The following ZNF710 variants were observed in gnomAD, a reference collection of about 807,000 sequenced individuals.
ZNF710 encodes zinc finger protein 710.
Under a neutral mutation model 50.6 loss-of-function variants are expected in ZNF710, and 13 were observed. The observed-to-expected ratio is 0.26, with a 90% CI of 0.17 to 0.41. ZNF710 has a LOEUF of 0.41. Ranked by LOEUF, ZNF710 falls within the 10% of genes least tolerant of loss-of-function variation. The pLI, the probability that ZNF710 is intolerant of heterozygous loss-of-function variation, is 1.00. For synonymous variants in ZNF710, 383 were observed against 397.0 expected, an observed-to-expected ratio of 0.96 and a Z score of 0.42; for missense variants, 721 against 936.6, an observed-to-expected ratio of 0.77 and a Z score of 3.01.
At chr15:90,003,126 G>A (rs1393394839) in intron 1 of ZNF710, among the ~76,000 whole-genome samples, 1 of 152,068 alleles carries the variant, frequency 6.6e-6, no homozygotes. Flanking sequence ...CGCCCGCCCC[G>A]GCCTCCCAAA....
In ZNF710 at chr15:90,081,048, C is replaced by G. The variant is rs2352053; in HGVS notation, c.*1219C>G. 0.11 allele frequency: 17,382 copies of G among 152,270 alleles called. 1,085 individuals are homozygous for G. The highest frequency in any genetic ancestry group is 0.15 in the African/African-American group (6,248 of 41,530). The allele number at this position is 152,270 out of a possible 1,614,324, so 9.4% of individuals were successfully genotyped here. A position where few individuals can be genotyped will look rare whatever the true frequency, so the allele number is the denominator to read the frequency against. ...TGTCACCCTGGCCCTGGAGGTGCAG[C>G]CGCTGGCAGCAGCCTCAGCAGGCTG... On this transcript the variant is annotated 3_prime_UTR_variant, in exon 5 of 5. Transcript: ENST00000268154.
At chr15:90,074,983 T>A (rs762976093) in intron 4 of ZNF710, 30 of 169,322 alleles carry the variant, frequency 1.8e-4, no homozygotes, top group Non-Finnish European at 3.5e-4. Flanking sequence ...CTGGGAGAAA[T>A]TTTAGGAGAG....
intron 1 of ZNF710, among the ~76,000 whole-genome samples, chr15:90,015,669 C>T (rs751791784): frequency 1.3e-5 from 2 of 151,598 alleles, no homozygotes. Flanking sequence ...AGTCACAGCC[C>T]GCTGCAGCCT....
intron 1 of ZNF710, among the ~76,000 whole-genome samples, chr15:90,001,997 G>GAGAGAGAGAGAGAGAGAGAGAGAGAGAGA (rs1898025235): frequency 1.4e-5 from 2 of 145,868 alleles, no homozygotes; most frequent in African/African-American, 5.2e-5. Context: ...GAGAGAGAGA[G>GAGAGAGAGAGAGAGAGAGAGAGAGAGAGA]GCAAAAATGA....
chr15:90,074,187 C>T lies in ZNF710; in HGVS notation c.1722C>T (p.Pro574=). The T allele has an allele frequency of 1.9e-6, 3 of 1,613,020 alleles. No individual in the cohort carries two copies. Among genetic ancestry groups the T allele is most frequent in the Non-Finnish European group, 2.5e-6 (3 of 1,179,708 alleles). The part of the protein sequence containing the change: ...GHMHLHAGSK[P]FKCPYCSSKF... ...TGCACCTGCACGCCGGCAGCAAGCC[C>T]TTCAAGTGCCCCTACTGCTCCAGCA... Residue 574 remains proline, a synonymous_variant, in exon 4 of 5, where the codon CCC becomes CCT. Transcript: ENST00000268154.
intron 1 of ZNF710, among the ~76,000 whole-genome samples, chr15:90,032,022 G>A (rs144027032): frequency 3.5e-4 from 53 of 152,228 alleles, no homozygotes; most frequent in African/African-American, 1.2e-3. Context: ...TTTTTGAGAC[G>A]GAGTCTCGCT....
At chr15:90,049,670 A>G (rs1225180907) in intron 1 of ZNF710, among the ~76,000 whole-genome samples, 1 of 151,942 alleles carries the variant, frequency 6.6e-6, no homozygotes, top group Admixed American at 6.6e-5. Flanking sequence ...TGTGACATCC[A>G]TGGTCCTGCC....
chr15:90,008,590 C>T (rs959993291), intron 1 of ZNF710, among the ~76,000 whole-genome samples: 1 of 150,352 alleles, frequency 6.7e-6, no homozygotes, highest in African/African-American at 2.5e-5. Context: ...TGAGAACAGC[C>T]TGGGCAACAT....
intron 1 of ZNF710, among the ~76,000 whole-genome samples, chr15:90,048,303 C>T (rs988564458): frequency 2.0e-5 from 3 of 152,224 alleles, no homozygotes; most frequent in East Asian, 1.9e-4. Context: ...TTCTGAGTCC[C>T]AGGAGATCTT....
intron 1 of ZNF710, among the ~76,000 whole-genome samples, chr15:90,036,107 G>A (rs1333363644): frequency 1.3e-5 from 2 of 152,126 alleles, no homozygotes; most frequent in African/African-American, 2.4e-5. Flanking sequence ...CTTCCACTTC[G>A]AAGCGCAAGC....
intron 1 of ZNF710, among the ~76,000 whole-genome samples, chr15:90,058,919 A>C (rs60353628): frequency 0.11 from 16,561 of 152,012 alleles, 3,010 homozygotes; most frequent in African/African-American, 0.38. Flanking sequence ...CAACTGATTG[A>C]TGCCCACCCA....
At chr15:90,053,222 T>A (rs1298965791) in intron 1 of ZNF710, among the ~76,000 whole-genome samples, 1 of 152,208 alleles carries the variant, frequency 6.6e-6, no homozygotes, top group Non-Finnish European at 1.5e-5. Flanking sequence ...CTGGGCACCC[T>A]GAGCATTTGC....
intron 1 of ZNF710, among the ~76,000 whole-genome samples, chr15:90,028,828 A>G (rs1046456523): frequency 6.6e-6 from 1 of 152,150 alleles, no homozygotes; most frequent in Admixed American, 6.5e-5. Context: ...CAAGATGGAA[A>G]ATTGCTTGTG....
chr15:90,067,556 C>A lies in ZNF710; in HGVS notation c.419C>A (p.Ala140Asp), dbSNP rs773850496. The part of the protein sequence containing the change: ...DKDAGPAEAP[A>D]EAASGGCDAL... The stretch of plus-strand genomic sequence containing the variant: ...GACGCAGGGCCAGCAGAAGCCCCCG[C>A]CGAGGCGGCCAGTGGCGGCTGCGAC... Residue 140 changes from alanine to aspartate, a missense_variant, in exon 2 of 5, where the codon GCC becomes GAC. Ala to Asp is a moderately radical substitution (Grantham distance 126, BLOSUM62 -2). Around this residue, in one of 3 missense-constraint regions of ZNF710, gnomAD observed 326 missense variants for 347.1 expected, o/e 0.94. Coordinates refer to ENST00000268154, the MANE Select transcript of ZNF710 (RefSeq NM_198526.4). This position sits in a 1 kb window ranked among gnomAD's most constrained non-coding sequence, Gnocchi z 8.1. 6.0e-5 allele frequency: 97 copies of A among 1,612,848 alleles called. 3 individuals carry two copies. The Admixed American group carries it at 1.3e-3, about 21-fold the overall frequency.
chr15:90,073,366 G>A (rs1461613023), intron 3 of ZNF710, 104 bp downstream of exon 3: 18 of 1,372,152 alleles, frequency 1.3e-5, no homozygotes, highest in Admixed American at 1.2e-4. Flanking sequence ...TGGCCAGTGC[G>A]GGCAAGAGGA....
chr15:90,073,092 G>A lies in ZNF710; in HGVS notation c.1480G>A (p.Glu494Lys), dbSNP rs557732630. ...THKGVKEFKCEVCGREFTLQA... is the reference protein window; with the variant it reads ...THKGVKEFKCKVCGREFTLQA... ...ACAGGGCGTGAAGGAGTTCAAGTGC[G>A]AGGTGTGTGGCCGGGAGTTCACCCT... The change falls in exon 3 of 5, where the codon GAG becomes AAG. Residue 494 changes from glutamate (E) to lysine (K), a missense_variant. Physicochemically the swap from Glu to Lys is moderately conservative, Grantham distance 56. This residue lies in a region of ZNF710 where 326 missense variants were observed against 522.0 expected (regional missense o/e 0.62). Coordinates refer to ENST00000268154, the MANE Select transcript of ZNF710 (RefSeq NM_198526.4). 14 of 1,614,024 alleles carry A rather than the reference G, an allele frequency of 8.7e-6. No individual in the cohort carries two copies. The highest frequency in any genetic ancestry group is 1.3e-5 in the African/African-American group (1 of 75,048).
chr15:90,039,282 A>G (rs1267518641), intron 1 of ZNF710, among the ~76,000 whole-genome samples: 1 of 152,176 alleles, frequency 6.6e-6, no homozygotes, highest in Non-Finnish European at 1.5e-5. Flanking sequence ...GTCTCAAAAA[A>G]AAAAAAAAAG....
At chr15:90,023,896 A>G (rs2174695) in intron 1 of ZNF710, among the ~76,000 whole-genome samples, 146,895 of 152,138 alleles carry the variant, frequency 0.97, 70,971 homozygotes, top group East Asian at 1. Context: ...CTACTCGGGA[A>G]GCTAAGATAG....
chr15:90,063,927 G>T (rs1316182424), intron 1 of ZNF710, among the ~76,000 whole-genome samples: 1 of 152,182 alleles, frequency 6.6e-6, no homozygotes. Flanking sequence ...TGAGTCAGGA[G>T]CCTCTTCCCC....
Sources: gnomAD v4.1 joint callset for allele counts (sites outside exome capture counted in the v4.1 genomes callset) on GRCh38, gnomAD v4.1.1 for gene constraint, gnomAD v4.1.1 regional missense constraint, Gnocchi (gnomAD v3.1) non-coding constraint, MANE v1.5 for transcripts, NCBI Gene and HGNC (gene_info 2026-07-23, HGNC 2026-07-21) for gene names.